The following MYO1F variants were observed in gnomAD, a reference collection of about 807,000 sequenced individuals.
The protein encoded by MYO1F is myosin IF.
In MYO1F, 60 loss-of-function variants were observed where a neutral mutation model predicts 146.6. The ratio of observed to expected loss-of-function variants is 0.41; its 90% CI spans 0.33 to 0.51. The LOEUF (loss-of-function observed/expected upper bound fraction) is 0.51, where lower values mean the gene tolerates loss of function less well. Ranked by LOEUF, MYO1F falls within the 20% of genes least tolerant of loss-of-function variation. MYO1F has a pLI of 0.25. For missense variants in MYO1F, 1,274 were observed against 1,534.3 expected (o/e 0.83, Z 2.83); for synonymous variants, 602 against 602.1 (o/e 1.00, Z 0.00).
At chr19:8,548,459 G>T in intron 10 of MYO1F, 142 bp from the exon 11 acceptor site, 1 of 747,712 alleles carries the variant, frequency 1.3e-6, no homozygotes, top group Non-Finnish European at 2.3e-6. Flanking sequence ...CTTTAGCTCT[G>T]CCCTTCCTGG....
intron 8 of MYO1F, 70 bp downstream of exon 8, chr19:8,551,670 T>G: frequency 6.2e-7 from 1 of 1,611,892 alleles, no homozygotes; most frequent in Admixed American, 1.7e-5. Context: ...GTTTCCTAAT[T>G]TGTAACTCAG....
Position 8,544,315 on chromosome 19 carries a change from G to C in MYO1F, c.1506C>G (p.Ile502Met). The change falls in exon 14 of 28, where the codon ATC becomes ATG. Residue 502 changes from isoleucine to methionine, a missense_variant. Ile to Met is a conservative substitution (Grantham distance 10). Transcript: ENST00000644032. ...GGCGCACCTTGCCAGCGTAGTGGTGGATGACGAAGCCGGCGCTCCAGCTGT... is the reference window on the plus strand; with the variant it reads ...GGCGCACCTTGCCAGCGTAGTGGTGCATGACGAAGCCGGCGCTCCAGCTGT... ...HFNSWSAGFV[I>M]HHYAGKVSYD... 6.2e-7 allele frequency: 1 copy of C among 1,613,098 alleles called. No individual in the cohort carries two copies.
intron 1 of MYO1F, among the ~76,000 whole-genome samples, chr19:8,560,270 G>A (rs970763061): frequency 1.2e-4 from 18 of 151,906 alleles, no homozygotes; most frequent in Non-Finnish European, 1.8e-4. Flanking sequence ...GGATCATGAG[G>A]TCAGGAGATC....
chr19:8,544,070 GT>G, intron 14 of MYO1F: 1 of 605,124 alleles, frequency 1.7e-6, no homozygotes, highest in South Asian at 1.9e-5. Context: ...TGGTGGTGGT[GT>G]CCAGACAAGT....
intron 1 of MYO1F, among the ~76,000 whole-genome samples, chr19:8,560,949 G>A (rs1974073149): frequency 6.6e-6 from 1 of 151,836 alleles, no homozygotes; most frequent in South Asian, 2.1e-4. Flanking sequence ...GTATTAGCCA[G>A]GATGGTCTCA....
chr19:8,545,543 G>C (rs1973308072), intron 13 of MYO1F, 107 bp downstream of exon 13: 2 of 924,096 alleles, frequency 2.2e-6, no homozygotes, highest in Non-Finnish European at 3.6e-6. Context: ...GTGTAGGGTA[G>C]AGAAGGGCCT....
chr19:8,533,949 C>T (rs1972598123), intron 19 of MYO1F, among the ~76,000 whole-genome samples: 1 of 152,070 alleles, frequency 6.6e-6, no homozygotes, highest in African/African-American at 2.4e-5. Flanking sequence ...CTTTGGGAGG[C>T]TGAGGTGGGC....
At chr19:8,526,282 G>A (rs1972262034) in intron 24 of MYO1F, among the ~76,000 whole-genome samples, 171 bp downstream of exon 24, 1 of 152,148 alleles carries the variant, frequency 6.6e-6, no homozygotes, top group South Asian at 2.1e-4. Context: ...AGCCAAGATC[G>A]TGCCACAACA....
rs1160985338 is a variant in MYO1F at position 8,553,209 on chromosome 19, A to G, written c.434T>C (p.Leu145Pro). Residue 145 changes from leucine to proline, a missense_variant, in exon 6 of 28, where the codon CTG becomes CCG. By Grantham distance (98) the Leu-to-Pro change is moderately conservative (BLOSUM62 -3). Coordinates refer to ENST00000644032, the MANE Select transcript of MYO1F (RefSeq NM_012335.4). ...GGCCTCGAGCAGCGGGTTGGACTGC[A>G]GGATGATATCTTTGACGTGCTGGGG... is the stretch of plus-strand genomic sequence containing the variant. Reference protein sequence around the residue: ...EKVQHVKDIILQSNPLLEAFG... With the variant: ...EKVQHVKDIIPQSNPLLEAFG... 6.2e-7 allele frequency: 1 copy of G among 1,614,090 alleles called. No individual in the cohort carries two copies. Among genetic ancestry groups the G allele is most frequent in the Non-Finnish European group, 8.5e-7 (1 of 1,180,052 alleles).
At chr19:8,561,106 A>T (rs1370441709) in intron 1 of MYO1F, among the ~76,000 whole-genome samples, 1 of 151,284 alleles carries the variant, frequency 6.6e-6, no homozygotes, top group African/African-American at 2.4e-5. Flanking sequence ...GATGTCTATA[A>T]CTCCTGGGCT....
intron 7 of MYO1F, 54 bp from the exon 8 acceptor site, chr19:8,551,928 G>C: frequency 1.9e-6 from 3 of 1,613,890 alleles, no homozygotes; most frequent in Non-Finnish European, 2.5e-6. Context: ...CAGCCCCTGT[G>C]ATCCCTCATC....
At position 8,547,893 on chromosome 19, in the gene MYO1F, A is replaced by G. The variant is rs538166203; in HGVS notation, c.1269+143T>C. 286 of 740,968 alleles carry G rather than the reference A, an allele frequency of 3.9e-4. 3 individuals are homozygous for G. The East Asian group carries it at 6.7e-3, about 17-fold the overall frequency. 45.9% of individuals were successfully genotyped at this position (740,968 alleles called of 1,614,324 possible). A position where few individuals can be genotyped will look rare whatever the true frequency, so the allele number is the denominator to read the frequency against. On this transcript the variant is annotated intron_variant, in intron 12 of 27. Transcript: ENST00000644032. ...TTTAGAGGCAGAAGGAAGTATCACT[A>G]TGGAGCCTGGGTAGGTTGGCACAGA...
chr19:8,553,894 ACT>A (rs530875155), intron 4 of MYO1F, among the ~76,000 whole-genome samples: 2,119 of 102,578 alleles, frequency 0.021, 31 homozygotes, highest in South Asian at 0.036. Flanking sequence ...ACACACACAC[ACT>A]CTCTCTCTCT....
intron 19 of MYO1F, among the ~76,000 whole-genome samples, chr19:8,535,391 A>G (rs1972661126): frequency 1.3e-5 from 2 of 151,970 alleles, no homozygotes; most frequent in African/African-American, 4.8e-5. Flanking sequence ...TCTAAATTAA[A>G]TTTTACTTTA....
intron 24 of MYO1F, among the ~76,000 whole-genome samples, chr19:8,526,195 C>T (rs952202363): frequency 2.6e-5 from 4 of 152,172 alleles, no homozygotes; most frequent in Admixed American, 2.6e-4. Context: ...GGCGCGGTGG[C>T]AGGCGCCTGT....
chr19:8,553,894 ACTCTCTCTCTCT>A (rs530875155), intron 4 of MYO1F, among the ~76,000 whole-genome samples: 1 of 102,606 alleles, frequency 9.7e-6, no homozygotes, highest in Non-Finnish European at 1.9e-5. Flanking sequence ...ACACACACAC[ACTCTCTCTCTCT>A]CTCTCTCTCT....
At chr19:8,559,260 G>C (rs753741653) in intron 1 of MYO1F, among the ~76,000 whole-genome samples, 20 of 146,936 alleles carry the variant, frequency 1.4e-4, no homozygotes, top group Non-Finnish European at 2.4e-4. Flanking sequence ...AAGTGTCCAC[G>C]TGGGCAACTG....
intron 19 of MYO1F, among the ~76,000 whole-genome samples, chr19:8,533,846 G>A (rs1972594297): frequency 6.6e-6 from 1 of 152,192 alleles, no homozygotes; most frequent in Admixed American, 6.6e-5. Flanking sequence ...AAGGCCAACA[G>A]GCAGATAAAA....
chr19:8,543,903 G>C lies in MYO1F; in HGVS notation c.1524+394C>G, dbSNP rs1321685476. On this transcript the variant is annotated intron_variant, in intron 14 of 27. Coordinates refer to ENST00000644032, the MANE Select transcript of MYO1F (RefSeq NM_012335.4). The stretch of plus-strand genomic sequence containing the variant: ...GGTGGTGGTGGTGGTGGTGCTGGTG[G>C]TGGTGGTGGTGGTGGTGGTGGTGGT... 2.1e-4 allele frequency among the ~76,000 whole-genome samples: 21 copies of C among 98,154 alleles called. 1 individual carries two copies. Among genetic ancestry groups the C allele is most frequent in the African/African-American group, 1.0e-3 (19 of 18,460 alleles). 64.4% of individuals were successfully genotyped at this position (98,154 alleles called of 152,430 possible).
Sources: allele counts gnomAD v4.1 joint callset (sites outside exome capture counted in the v4.1 genomes callset), GRCh38; gene constraint gnomAD v4.1.1; transcripts MANE v1.5; gene names NCBI Gene and HGNC (gene_info 2026-07-23, HGNC 2026-07-21).